Variants in MYO5B observed in about 807,000 individuals in gnomAD.
MYO5B encodes myosin VB.
In MYO5B, 143 loss-of-function variants were observed where a neutral mutation model predicts 229.3. The ratio of observed to expected loss-of-function variants is 0.62; its 90% CI spans 0.54 to 0.72. MYO5B has a LOEUF of 0.72. Among genes scored for constraint, MYO5B ranks in the 30% least tolerant of loss-of-function variants. The probability of loss-of-function intolerance (pLI) is 0.00; values close to 1 mark genes in which losing one functional copy is unlikely to be tolerated. For missense variants in MYO5B, 2,321 were observed against 2,331.0 expected, an observed-to-expected ratio of 1.00 and a Z score of 0.09; for synonymous variants, 918 against 885.2, an observed-to-expected ratio of 1.04 and a Z score of -0.66.
chr18:50,177,411 A>G (rs2033012537), intron 1 of MYO5B, among the ~76,000 whole-genome samples: 1 of 152,212 alleles, frequency 6.6e-6, no homozygotes, highest in African/African-American at 2.4e-5. Flanking sequence ...TTTGGTTTTT[A>G]TATACTCCCG....
chr18:50,141,841 G>T (rs2032422776), intron 1 of MYO5B, among the ~76,000 whole-genome samples: 1 of 152,210 alleles, frequency 6.6e-6, no homozygotes, highest in Non-Finnish European at 1.5e-5. Flanking sequence ...TGGAGCTGAA[G>T]CCCTGCCCAG....
chr18:49,982,992 TCTC>T (rs1215356382), intron 8 of MYO5B, among the ~76,000 whole-genome samples: 1 of 152,116 alleles, frequency 6.6e-6, no homozygotes, highest in African/African-American at 2.4e-5. Flanking sequence ...CCAGAGATCT[TCTC>T]CTTTCTCTGA....
chr18:49,951,266 A>G (rs890834463), intron 14 of MYO5B, among the ~76,000 whole-genome samples: 7 of 152,190 alleles, frequency 4.6e-5, no homozygotes, highest in African/African-American at 1.7e-4. Context: ...AATTATAGCC[A>G]TAACTATATG....
At chr18:50,014,786 G>T (rs2026199621) in intron 4 of MYO5B, among the ~76,000 whole-genome samples, 1 of 152,204 alleles carries the variant, frequency 6.6e-6, no homozygotes, top group Non-Finnish European at 1.5e-5. Flanking sequence ...ATGAAGGTGG[G>T]GTTCAGCTGT....
chr18:50,092,709 G>C (rs907901981), intron 1 of MYO5B, among the ~76,000 whole-genome samples: 1 of 152,056 alleles, frequency 6.6e-6, no homozygotes, highest in Non-Finnish European at 1.5e-5. Flanking sequence ...ATGAATGCCA[G>C]TAACATACTA....
At chr18:50,100,526 G>A (rs2031634572) in intron 1 of MYO5B, among the ~76,000 whole-genome samples, 1 of 152,052 alleles carries the variant, frequency 6.6e-6, no homozygotes, top group Admixed American at 6.6e-5. Flanking sequence ...GGGAAGGGAA[G>A]TTTTACCCCT....
chr18:49,992,197 T>C, intron 6 of MYO5B, 91 bp downstream of exon 6: 3 of 1,532,956 alleles, frequency 2.0e-6, no homozygotes, highest in South Asian at 1.1e-5. Flanking sequence ...ACAAGAGAGA[T>C]TCTCTTTGGG....
At chr18:50,002,327 A>C (rs1252296327) in intron 4 of MYO5B, among the ~76,000 whole-genome samples, 1 of 152,210 alleles carries the variant, frequency 6.6e-6, no homozygotes, top group Non-Finnish European at 1.5e-5. Flanking sequence ...GATCTGAGTC[A>C]GACAGAACAG....
chr18:49,872,552 C>T (rs1238755301), intron 26 of MYO5B, among the ~76,000 whole-genome samples: 1 of 152,128 alleles, frequency 6.6e-6, no homozygotes, highest in Non-Finnish European at 1.5e-5. Context: ...CTGAAGTCCT[C>T]ACCCCTAGAA....
intron 1 of MYO5B, among the ~76,000 whole-genome samples, chr18:50,100,277 A>C (rs1424698359): frequency 2.6e-5 from 4 of 152,194 alleles, no homozygotes; most frequent in Non-Finnish European, 5.9e-5. Flanking sequence ...CTAAATCAGG[A>C]TCTTGTTTCC....
intron 1 of MYO5B, among the ~76,000 whole-genome samples, chr18:50,117,486 A>C (rs900434122): frequency 6.6e-6 from 1 of 152,128 alleles, no homozygotes; most frequent in South Asian, 2.1e-4. Context: ...AGTTTAGATT[A>C]TATCTTTCTA....
chr18:50,036,534 T>C (rs916686977), intron 4 of MYO5B, among the ~76,000 whole-genome samples: 1 of 152,100 alleles, frequency 6.6e-6, no homozygotes, highest in African/African-American at 2.4e-5. Flanking sequence ...AATTATATTA[T>C]ACCATAAAGG....
chr18:49,852,993 T>C (rs970344032), intron 31 of MYO5B, among the ~76,000 whole-genome samples: 4 of 152,230 alleles, frequency 2.6e-5, no homozygotes, highest in African/African-American at 9.6e-5. Context: ...CTTTGGTGAC[T>C]GTCTGCAAAG....
intron 32 of MYO5B, among the ~76,000 whole-genome samples, chr18:49,848,627 A>C (rs1261342041): frequency 6.6e-6 from 1 of 152,212 alleles, no homozygotes; most frequent in African/African-American, 2.4e-5. Flanking sequence ...CTACTAAGCA[A>C]TCTGGGAACA....
At chr18:50,012,784 T>C (rs2026176401) in intron 4 of MYO5B, among the ~76,000 whole-genome samples, 1 of 152,348 alleles carries the variant, frequency 6.6e-6, no homozygotes, top group Middle Eastern at 3.4e-3. Flanking sequence ...AATGGTTTGT[T>C]GAAAGCCATG....
chr18:50,179,064 T>C (rs2033037055), intron 1 of MYO5B, among the ~76,000 whole-genome samples: 1 of 152,182 alleles, frequency 6.6e-6, no homozygotes, highest in Admixed American at 6.5e-5. Context: ...ATTATACTAA[T>C]AAATAAATGG....
At position 49,858,615 on chromosome 18, in the gene MYO5B, G is replaced by T. The variant is rs529332578; in HGVS notation, c.3945-1725C>A. The stretch of plus-strand genomic sequence containing the variant: ...CCTACAGACTGCAGAGCTCTCTAGG[G>T]TGGGGCACGCGAAGCTGACTCACAC... On this transcript the variant is annotated intron_variant, in intron 29 of 39. Transcript: ENST00000285039. 2.0e-5 allele frequency among the ~76,000 whole-genome samples: 3 copies of T among 152,358 alleles called. No homozygotes were observed. The East Asian group carries it at 5.8e-4, about 29-fold the overall frequency.
In MYO5B at chr18:50,001,246, A is replaced by G; in HGVS notation, c.612+9T>C. The G allele has an allele frequency of 6.2e-7, 1 of 1,614,094 alleles. No homozygotes were observed. Among genetic ancestry groups the G allele is most frequent in the Non-Finnish European group, 8.5e-7 (1 of 1,179,974 alleles). Reference sequence around the variant, plus strand: ...AGCCAGGAAGGCCAGGACACCTAGAAGGCTTTACCTCCATGATGGGACTGG... The same window carrying G: ...AGCCAGGAAGGCCAGGACACCTAGAGGGCTTTACCTCCATGATGGGACTGG... On this transcript the variant is annotated intron_variant, in intron 5 of 39. Transcript: ENST00000285039.
chr18:49,903,743 C>T (rs1041554064), intron 20 of MYO5B, among the ~76,000 whole-genome samples: 2 of 152,196 alleles, frequency 1.3e-5, no homozygotes, highest in Admixed American at 6.5e-5. Context: ...CCTTCCAATT[C>T]GTGTTTCAAG....
Sources: allele counts gnomAD v4.1 joint callset (sites outside exome capture counted in the v4.1 genomes callset), GRCh38; gene constraint gnomAD v4.1.1; transcripts MANE v1.5; gene names NCBI Gene and HGNC (gene_info 2026-07-23, HGNC 2026-07-21).